Variants in TBC1D19 observed in about 807,000 individuals in gnomAD.
The protein encoded by TBC1D19 is TBC1 domain family, member 19.
TBC1D19 carries 60 observed loss-of-function variants against 89.0 expected under a neutral mutation model. That is an observed-to-expected ratio of 0.67 (90% CI 0.55 to 0.84). The LOEUF (loss-of-function observed/expected upper bound fraction) is 0.84, where lower values mean the gene tolerates loss of function less well. Ranked by LOEUF, TBC1D19 falls within the 40% of genes least tolerant of loss-of-function variation. The pLI is 0.00. For missense variants in TBC1D19, 500 were observed against 610.8 expected (o/e 0.82, Z 1.91); for synonymous variants, 189 against 199.7 (o/e 0.95, Z 0.45).
chr4:26,635,482 C>T (rs563295649), intron 4 of TBC1D19, among the ~76,000 whole-genome samples: 2 of 152,066 alleles, frequency 1.3e-5, no homozygotes, highest in Non-Finnish European at 2.9e-5. Flanking sequence ...AATTTGGGAG[C>T]TATTTCATGT....
chr4:26,643,147 C>T (rs1270240239), intron 7 of TBC1D19, among the ~76,000 whole-genome samples: 1 of 152,200 alleles, frequency 6.6e-6, no homozygotes, highest in Non-Finnish European at 1.5e-5. Flanking sequence ...CCACATCGCA[C>T]TTATTTCAAA....
At chr4:26,711,396 C>A (rs1480636355) in intron 13 of TBC1D19, among the ~76,000 whole-genome samples, 3 of 151,886 alleles carry the variant, frequency 2.0e-5, no homozygotes, top group Non-Finnish European at 4.4e-5. Context: ...AAGAGTATCA[C>A]AAATGAAAAA....
At chr4:26,651,022 T>C (rs573543529) in intron 7 of TBC1D19, among the ~76,000 whole-genome samples, 1 of 152,282 alleles carries the variant, frequency 6.6e-6, no homozygotes, top group East Asian at 1.9e-4. Flanking sequence ...GATCAGATAG[T>C]TGTAGATATG....
chr4:26,702,598 C>T (rs762181944), intron 13 of TBC1D19, among the ~76,000 whole-genome samples: 1 of 151,966 alleles, frequency 6.6e-6, no homozygotes, highest in Non-Finnish European at 1.5e-5. Context: ...TATTTTAGTC[C>T]AAATTGTATT....
intron 13 of TBC1D19, among the ~76,000 whole-genome samples, chr4:26,701,015 C>T (rs1035950026): frequency 2.0e-4 from 31 of 152,168 alleles, no homozygotes; most frequent in African/African-American, 7.0e-4. Flanking sequence ...TTGTTCACTT[C>T]TCTCCCTGAC....
chr4:26,798,172 T>A, the TBC1D19 span, among the ~76,000 whole-genome samples: 2 of 152,172 alleles, frequency 1.3e-5, no homozygotes, highest in Non-Finnish European at 2.9e-5. Context: ...ATCCAGAATC[T>A]ACAAGGAACT....
At chr4:26,764,681 G>A in the TBC1D19 span, among the ~76,000 whole-genome samples, 1 of 152,150 alleles carries the variant, frequency 6.6e-6, no homozygotes, top group Non-Finnish European at 1.5e-5. Flanking sequence ...AGGTTGCAAG[G>A]AAGAACCTAT....
rs901501463 is a variant in TBC1D19 at position 26,672,062 on chromosome 4, C to T, written c.665-87C>T. 5.3e-5 allele frequency: 33 copies of T among 624,102 alleles called. No homozygotes were observed. In the South Asian group the frequency reaches 6.0e-4, roughly 11 times the overall value. 38.7% of individuals were successfully genotyped at this position (624,102 alleles called of 1,614,324 possible). The stretch of plus-strand genomic sequence containing the variant: ...TGGCTTTAAAAATCATTAAATGTAT[C>T]AATACCAGAAAAATGTATCTAATGT... On this transcript the variant is annotated intron_variant, in intron 9 of 20. Transcript: ENST00000264866.
intron 11 of TBC1D19, among the ~76,000 whole-genome samples, chr4:26,679,484 C>T (rs1013342759): frequency 3.3e-5 from 5 of 152,136 alleles, no homozygotes; most frequent in African/African-American, 1.2e-4. Context: ...GATATCCAGG[C>T]AGAAGTGTGC....
At chr4:26,823,008 AGTTT>A in the TBC1D19 span, among the ~76,000 whole-genome samples, 2 of 152,150 alleles carry the variant, frequency 1.3e-5, no homozygotes, top group African/African-American at 4.8e-5. Context: ...AAGCTGTATT[AGTTT>A]GTTTCCACGC....
rs776685442 is a variant in TBC1D19, at chr4:26,590,091, T to C, written c.99+5799T>C. Among the ~76,000 whole-genome samples the C allele has an allele frequency of 2.0e-5, 3 of 152,336 alleles. No homozygotes were observed. The South Asian group carries it at 6.2e-4, about 32-fold the overall frequency. On this transcript the variant is annotated intron_variant, in intron 1 of 20. Coordinates refer to ENST00000264866, the MANE Select transcript of TBC1D19 (RefSeq NM_018317.4). Reference sequence around the variant, plus strand: ...ATCTTGTCTATGATAGTTAACATTTTAGTTCATTTCTTACTGTCTTGTATG... The same window carrying C: ...ATCTTGTCTATGATAGTTAACATTTCAGTTCATTTCTTACTGTCTTGTATG...
intron 18 of TBC1D19, among the ~76,000 whole-genome samples, chr4:26,746,983 T>A (rs1253921962): frequency 1.3e-5 from 2 of 152,192 alleles, no homozygotes; most frequent in African/African-American, 2.4e-5. Flanking sequence ...GATTCATATC[T>A]GGAGTGGGAC....
intron 9 of TBC1D19, among the ~76,000 whole-genome samples, chr4:26,670,930 GA>G (rs1712244884): frequency 6.6e-6 from 1 of 150,758 alleles, no homozygotes; most frequent in Non-Finnish European, 1.5e-5. Context: ...TCTATTGTAT[GA>G]ATATGCCACT....
At chr4:26,833,122 C>T in the TBC1D19 span, among the ~76,000 whole-genome samples, 15,100 of 152,114 alleles carry the variant, frequency 0.099, 2,234 homozygotes, top group African/African-American at 0.32. Flanking sequence ...GAGGTGAAAT[C>T]GTAGTTGCAG....
chr4:26,679,953 C>T (rs1182987452), intron 11 of TBC1D19, among the ~76,000 whole-genome samples: 1 of 152,192 alleles, frequency 6.6e-6, no homozygotes, highest in Admixed American at 6.5e-5. Flanking sequence ...CTCATAATCC[C>T]CACATGTCAT....
rs183102516 is a variant in TBC1D19, at chr4:26,601,498, T to C, written c.100-11671T>C. Among the ~76,000 whole-genome samples, 121 of 152,182 alleles carry C rather than the reference T, an allele frequency of 8.0e-4. 1 individual carries two copies. Among genetic ancestry groups the C allele is most frequent in the African/African-American group, 2.6e-3 (108 of 41,502 alleles). Reference sequence around the variant, plus strand: ...TATACTGAGAGGAAATGGCTAGAGATTGGGGAAGTCTTGGATAGCACTCAA... The same window carrying C: ...TATACTGAGAGGAAATGGCTAGAGACTGGGGAAGTCTTGGATAGCACTCAA... On this transcript the variant is annotated intron_variant, in intron 1 of 20. Transcript: ENST00000264866.
At chr4:26,578,674 A>T (rs1021175248) in intron 1 of TBC1D19, among the ~76,000 whole-genome samples, 2 of 152,134 alleles carry the variant, frequency 1.3e-5, no homozygotes, top group African/African-American at 4.8e-5. Flanking sequence ...TTGAGGAGAA[A>T]ATAGGCCAAG....
intron 1 of TBC1D19, among the ~76,000 whole-genome samples, chr4:26,600,907 A>C (rs1740545638): frequency 6.6e-6 from 1 of 152,186 alleles, no homozygotes; most frequent in South Asian, 2.1e-4. Flanking sequence ...TTTAGAAAGA[A>C]CCATAAGTAT....
At chr4:26,621,276 T>C (rs538093798) in intron 4 of TBC1D19, among the ~76,000 whole-genome samples, 69 of 152,174 alleles carry the variant, frequency 4.5e-4, no homozygotes, top group South Asian at 2.1e-4. Context: ...CCTAGCTCTT[T>C]TAACTGTCCT....
Sources: allele counts gnomAD v4.1 joint callset (sites outside exome capture counted in the v4.1 genomes callset), GRCh38; gene constraint gnomAD v4.1.1; transcripts MANE v1.5; gene names NCBI Gene and HGNC (gene_info 2026-07-23, HGNC 2026-07-21).